ME1: variants seen among roughly 807,000 people sequenced by gnomAD.
ME1 encodes malic enzyme 1.
In ME1, 74 loss-of-function variants were observed where a neutral mutation model predicts 66.4. The observed-to-expected ratio is 1.11, with a 90% confidence interval of 0.92 to 1.35. The LOEUF (loss-of-function observed/expected upper bound fraction) is 1.35. Among genes scored for constraint, ME1 ranks in the 40% most tolerant of loss-of-function variants. The probability of loss-of-function intolerance (pLI) is 0.00; values close to 1 mark genes in which losing one functional copy is unlikely to be tolerated. For missense variants in ME1, 750 were observed against 694.1 expected (o/e 1.08, Z -0.90); for synonymous variants, 251 against 235.6 (o/e 1.07, Z -0.60).
intron 6 of ME1, among the ~76,000 whole-genome samples, chr6:83,300,617 T>C (rs1583366499): frequency 1.4e-5 from 2 of 141,354 alleles, no homozygotes; most frequent in South Asian, 4.6e-4. Flanking sequence ...TTTCTTTTTT[T>C]TTTTTTTTTT....
chr6:83,298,667 T>C (rs549645312), intron 6 of ME1, among the ~76,000 whole-genome samples: 2 of 152,282 alleles, frequency 1.3e-5, no homozygotes, highest in Non-Finnish European at 2.9e-5. Flanking sequence ...TGGTATTACC[T>C]AGATTTTCTT....
intron 6 of ME1, among the ~76,000 whole-genome samples, chr6:83,255,652 A>G (rs934701521): frequency 6.6e-6 from 1 of 152,138 alleles, no homozygotes; most frequent in Non-Finnish European, 1.5e-5. Context: ...CAACTATGTC[A>G]GCACCATTTA....
chr6:83,364,131 C>A (rs1486951018), intron 3 of ME1, among the ~76,000 whole-genome samples: 3 of 152,004 alleles, frequency 2.0e-5, no homozygotes, highest in Non-Finnish European at 4.4e-5. Flanking sequence ...GAAAGGCATA[C>A]CCACCCTTAA....
chr6:83,244,601 G>T (rs1372929324), intron 7 of ME1, among the ~76,000 whole-genome samples: 1 of 152,018 alleles, frequency 6.6e-6, no homozygotes, highest in African/African-American at 2.4e-5. Context: ...AAATTAGGAG[G>T]TTCAATTTTG....
At chr6:83,358,806 C>G (rs957568020) in intron 3 of ME1, among the ~76,000 whole-genome samples, 3 of 152,136 alleles carry the variant, frequency 2.0e-5, no homozygotes, top group African/African-American at 7.2e-5. Flanking sequence ...GGAGATAAAC[C>G]CTGCGCTACC....
chr6:83,363,715 CCTT>C (rs1014288192), intron 3 of ME1, among the ~76,000 whole-genome samples: 133 of 152,314 alleles, frequency 8.7e-4, no homozygotes, highest in African/African-American at 3.1e-3. Flanking sequence ...GGTATTTCCT[CCTT>C]CTTTTGTTAA....
Position 83,296,535 on chromosome 6 carries a change from T to C in ME1, c.704+18775A>G, listed in dbSNP as rs149627005. Among the ~76,000 whole-genome samples, 227 of 152,284 alleles carry C rather than the reference T, an allele frequency of 1.5e-3. 2 individuals carry two copies. The highest frequency in any genetic ancestry group is 4.9e-3 in the African/African-American group (202 of 41,566). On this transcript the variant is annotated intron_variant, in intron 6 of 13. Coordinates refer to ENST00000369705, the MANE Select transcript of ME1 (RefSeq NM_002395.6). ...ACATACCTCAAAATAATAAGAGCCA[T>C]CTATGACAAACCAACAGCCAACATC...
At chr6:83,353,034 T>A (rs920206549) in intron 3 of ME1, among the ~76,000 whole-genome samples, 1 of 152,208 alleles carries the variant, frequency 6.6e-6, no homozygotes, top group African/African-American at 2.4e-5. Flanking sequence ...TAATTTATTA[T>A]TTTATCACCA....
At chr6:83,420,248 A>G (rs955222924) in intron 1 of ME1, among the ~76,000 whole-genome samples, 1 of 152,042 alleles carries the variant, frequency 6.6e-6, no homozygotes, top group Admixed American at 6.6e-5. Flanking sequence ...TTATATTTTT[A>G]GTAGAGATGG....
At chr6:83,252,541 T>A (rs1212008514) in intron 7 of ME1, among the ~76,000 whole-genome samples, 1 of 152,180 alleles carries the variant, frequency 6.6e-6, no homozygotes, top group Non-Finnish European at 1.5e-5. Flanking sequence ...GCTCAAGCGA[T>A]CTGCCTGCCT....
intron 5 of ME1, among the ~76,000 whole-genome samples, chr6:83,328,815 T>C (rs1355173994): frequency 6.6e-6 from 1 of 152,066 alleles, no homozygotes; most frequent in Admixed American, 6.6e-5. Context: ...TAAATGCATG[T>C]GGTGCCACTG....
chr6:83,219,870 G>C (rs1409878699), intron 12 of ME1, among the ~76,000 whole-genome samples: 1 of 151,416 alleles, frequency 6.6e-6, no homozygotes, highest in Non-Finnish European at 1.5e-5. Context: ...TTACAGACGT[G>C]AGCCACTGCA....
At chr6:83,240,253 GT>G (rs1790487361) in intron 7 of ME1, among the ~76,000 whole-genome samples, 1 of 151,916 alleles carries the variant, frequency 6.6e-6, no homozygotes, top group African/African-American at 2.4e-5. Context: ...GCTGATGATG[GT>G]ATTGGTGCTC....
chr6:83,254,174 G>T (rs574648022), intron 6 of ME1, among the ~76,000 whole-genome samples: 1 of 152,200 alleles, frequency 6.6e-6, no homozygotes, highest in Non-Finnish European at 1.5e-5. Flanking sequence ...GGTTTTATAA[G>T]CTGAGGAAAA....
intron 9 of ME1, among the ~76,000 whole-genome samples, chr6:83,229,807 G>C (rs1173841827): frequency 6.6e-6 from 1 of 152,042 alleles, no homozygotes; most frequent in East Asian, 1.9e-4. Context: ...TTTCTTTAAA[G>C]GGTATTATCA....
chr6:83,390,102 T>C (rs1383708098), intron 3 of ME1, among the ~76,000 whole-genome samples: 1 of 152,182 alleles, frequency 6.6e-6, no homozygotes, highest in Non-Finnish European at 1.5e-5. Context: ...CAAGAATTTA[T>C]TTTGGGATAC....
intron 5 of ME1, among the ~76,000 whole-genome samples, chr6:83,334,268 AACGGCGCACCACGAG>A (rs1309668469): frequency 1.4e-5 from 2 of 138,052 alleles, no homozygotes; most frequent in Non-Finnish European, 3.1e-5. Context: ...CGGCTTAAGA[AACGGCGCACCACGAG>A]ACTATATCCC....
intron 6 of ME1, among the ~76,000 whole-genome samples, chr6:83,280,830 A>C (rs1767274921): frequency 6.6e-6 from 1 of 152,216 alleles, no homozygotes; most frequent in Non-Finnish European, 1.5e-5. Flanking sequence ...ACTCATAATA[A>C]TATATTTGTA....
chr6:83,292,747 C>T (rs1016958979), intron 6 of ME1, among the ~76,000 whole-genome samples: 6 of 152,196 alleles, frequency 3.9e-5, no homozygotes, highest in African/African-American at 1.2e-4. Flanking sequence ...TCTAGAGAGG[C>T]AGTAGGCCTT....
Sources: gnomAD v4.1 joint callset for allele counts (sites outside exome capture counted in the v4.1 genomes callset) on GRCh38, gnomAD v4.1.1 for gene constraint, MANE v1.5 for transcripts, NCBI Gene and HGNC (gene_info 2026-07-23, HGNC 2026-07-21) for gene names.